TUSC3: variants seen among roughly 807,000 people sequenced by gnomAD.
TUSC3 encodes dolichyl-diphosphooligosaccharide--protein glycosyltransferase subunit TUSC3.
TUSC3 carries 45 observed loss-of-function variants against 44.8 expected under a neutral mutation model. The observed-to-expected ratio is 1.00, with a 90% CI of 0.79 to 1.29. TUSC3 has a LOEUF of 1.29. TUSC3 is among the 50% of genes most tolerant of loss of function. The pLI is 0.00. For synonymous variants in TUSC3, 212 were observed against 152.9 expected, an observed-to-expected ratio of 1.39 and a Z score of -2.85; for missense variants, 519 against 437.9, an observed-to-expected ratio of 1.19 and a Z score of -1.65.
intron 6 of TUSC3, among the ~76,000 whole-genome samples, chr8:15,678,466 C>A (rs867824808): frequency 6.6e-6 from 1 of 151,712 alleles, no homozygotes; most frequent in Non-Finnish European, 1.5e-5. Context: ...GGTTTTATTT[C>A]GAGATATGCC....
intron 1 of TUSC3, among the ~76,000 whole-genome samples, chr8:15,451,502 G>C (rs1289064318): frequency 6.6e-6 from 1 of 152,186 alleles, no homozygotes; most frequent in African/African-American, 2.4e-5. Flanking sequence ...TAGGATTGGA[G>C]ACTCTGCAGG....
chr8:15,815,921 G>A, the TUSC3 span, among the ~76,000 whole-genome samples: 14,992 of 152,202 alleles, frequency 0.099, 872 homozygotes, highest in East Asian at 0.25. Context: ...GAAGTTCTCT[G>A]TAAGTGCCAA....
At chr8:15,648,681 G>A (rs1475769947) in intron 2 of TUSC3, among the ~76,000 whole-genome samples, 2 of 125,330 alleles carry the variant, frequency 1.6e-5, no homozygotes, top group Admixed American at 2.0e-4. Flanking sequence ...AGCCGAGATC[G>A]CGCCGTTGCA....
At chr8:15,691,662 TA>T (rs1335789978) in intron 6 of TUSC3, among the ~76,000 whole-genome samples, 1 of 152,194 alleles carries the variant, frequency 6.6e-6, no homozygotes, top group East Asian at 1.9e-4. Context: ...AGAGGGCTGT[TA>T]TTTTTTTGAA....
chr8:15,435,188 C>T (rs1412183318), intron 1 of TUSC3, among the ~76,000 whole-genome samples: 2 of 151,218 alleles, frequency 1.3e-5, no homozygotes, highest in Non-Finnish European at 2.9e-5. Context: ...CACATCCTCT[C>T]CAGCACCTGT....
intron 2 of TUSC3, among the ~76,000 whole-genome samples, chr8:15,503,253 G>C (rs1285764099): frequency 1.3e-5 from 2 of 152,092 alleles, no homozygotes; most frequent in Non-Finnish European, 2.9e-5. Flanking sequence ...GGACAATATG[G>C]CCATCTACAA....
chr8:15,811,430 G>T, the TUSC3 span, among the ~76,000 whole-genome samples: 4 of 152,084 alleles, frequency 2.6e-5, no homozygotes, highest in African/African-American at 9.7e-5. Flanking sequence ...GATGTTTAGG[G>T]GTCAAGCCCG....
rs78417327 is a variant in TUSC3, at chr8:15,735,015, G to A, written c.862+4286G>A. ...ATATATTTGGCATTGGGTAACTTAC[G>A]AATTCTTTTTGAAGTATTATGAGGT... On this transcript the variant is annotated intron_variant, in intron 7 of 10. Coordinates refer to ENST00000503731, the MANE Select transcript of TUSC3 (RefSeq NM_006765.4). Among the ~76,000 whole-genome samples the A allele has an allele frequency of 4.9e-3, 745 of 152,254 alleles. 10 individuals carry two copies. Among genetic ancestry groups the A allele is most frequent in the Middle Eastern group, 0.014 (4 of 294 alleles).
the TUSC3 span, among the ~76,000 whole-genome samples, chr8:15,849,150 A>G: frequency 1.3e-5 from 2 of 152,172 alleles, no homozygotes; most frequent in African/African-American, 4.8e-5. Flanking sequence ...AAATTCAAAC[A>G]TTCCATTTGG....
At chr8:15,664,906 C>T (rs1295483882) in intron 5 of TUSC3, among the ~76,000 whole-genome samples, 1 of 150,810 alleles carries the variant, frequency 6.6e-6, no homozygotes, top group African/African-American at 2.4e-5. Flanking sequence ...CTGCCTGATA[C>T]CACCACCATT....
At chr8:15,575,789 T>G (rs928550745) in intron 1 of TUSC3, among the ~76,000 whole-genome samples, 1 of 152,088 alleles carries the variant, frequency 6.6e-6, no homozygotes, top group African/African-American at 2.4e-5. Context: ...TAAATTCTTC[T>G]GAGATGTACT....
At chr8:15,653,586 C>A (rs1807015568) in intron 3 of TUSC3, among the ~76,000 whole-genome samples, 1 of 152,118 alleles carries the variant, frequency 6.6e-6, no homozygotes, top group African/African-American at 2.4e-5. Context: ...CAGCAGGAAT[C>A]CTGGTGTAGA....
intron 2 of TUSC3, among the ~76,000 whole-genome samples, chr8:15,518,637 C>T (rs547954050): frequency 6.6e-6 from 1 of 152,194 alleles, no homozygotes; most frequent in Non-Finnish European, 1.5e-5. Context: ...AAATGAACTG[C>T]ATATTTGCAG....
In TUSC3 at chr8:15,509,671, G is replaced by C. The variant is rs116163789; in HGVS notation, n.189+26188G>C. The stretch of plus-strand genomic sequence containing the variant: ...GATTAAGTATTAGCGTGACAAATTT[G>C]TAGTCTTAACTGTAGCTTTGTACTT... On this transcript the variant is annotated intron_variant and non_coding_transcript_variant, in intron 2 of 5. Coordinates refer to the TUSC3 transcript ENST00000503191. 7.3e-3 allele frequency among the ~76,000 whole-genome samples: 1,112 copies of C among 151,912 alleles called. 14 individuals are homozygous for C. Among genetic ancestry groups the C allele is most frequent in the African/African-American group, 0.025 (1,029 of 41,482 alleles).
chr8:15,722,462 C>G (rs1346122039), intron 6 of TUSC3, among the ~76,000 whole-genome samples: 1 of 151,896 alleles, frequency 6.6e-6, no homozygotes, highest in African/African-American at 2.4e-5. Flanking sequence ...AGCTGCTAGC[C>G]CACCATTTGG....
At chr8:15,454,943 G>C (rs1013638029) in intron 1 of TUSC3, among the ~76,000 whole-genome samples, 5 of 152,046 alleles carry the variant, frequency 3.3e-5, no homozygotes, top group African/African-American at 1.2e-4. Context: ...AGATGTAACA[G>C]GCTCTCCCCT....
chr8:15,718,298 C>G (rs1810141653), intron 6 of TUSC3, among the ~76,000 whole-genome samples: 1 of 152,044 alleles, frequency 6.6e-6, no homozygotes, highest in South Asian at 2.1e-4. Context: ...TGCCCGTTGG[C>G]TTTGTGATGG....
At chr8:15,487,958 T>G (rs931907291) in intron 2 of TUSC3, among the ~76,000 whole-genome samples, 1 of 151,436 alleles carries the variant, frequency 6.6e-6, no homozygotes, top group African/African-American at 2.4e-5. Context: ...GAAAACACTC[T>G]CGTCTGAAAT....
At chr8:15,492,793 AAGT>A (rs1800825258) in intron 2 of TUSC3, among the ~76,000 whole-genome samples, 1 of 152,072 alleles carries the variant, frequency 6.6e-6, no homozygotes, top group Non-Finnish European at 1.5e-5. Flanking sequence ...AAAAAAAAAA[AAGT>A]GTAATAATAT....
Sources: allele counts gnomAD v4.1 joint callset (sites outside exome capture counted in the v4.1 genomes callset), GRCh38; gene constraint gnomAD v4.1.1; transcripts MANE v1.5; gene names NCBI Gene and HGNC (gene_info 2026-07-23, HGNC 2026-07-21).